OXCT1: variants seen among roughly 807,000 people sequenced by gnomAD.
The protein encoded by OXCT1 is succinyl-CoA:3-ketoacid coenzyme A transferase 1, mitochondrial.
OXCT1 carries 27 observed loss-of-function variants against 69.6 expected under a neutral mutation model. That is an observed-to-expected ratio of 0.39 (90% CI 0.29 to 0.54). The LOEUF (loss-of-function observed/expected upper bound fraction) is 0.54. Among genes scored for constraint, OXCT1 ranks in the 20% least tolerant of loss-of-function variants. The pLI, the probability that OXCT1 is intolerant of heterozygous loss-of-function variation, is 0.72. For synonymous variants in OXCT1, 202 were observed against 217.8 expected (o/e 0.93, Z 0.64); for missense variants, 437 against 650.2 (o/e 0.67, Z 3.57).
intron 14 of OXCT1, among the ~76,000 whole-genome samples, chr5:41,760,450 G>A (rs1056857611): frequency 1.3e-5 from 2 of 152,026 alleles, no homozygotes; most frequent in African/African-American, 4.8e-5. Context: ...GATATTTCTA[G>A]TCTGAAGTTG....
intron 14 of OXCT1, among the ~76,000 whole-genome samples, chr5:41,751,522 C>A (rs1436948944): frequency 6.6e-6 from 1 of 152,100 alleles, no homozygotes; most frequent in Non-Finnish European, 1.5e-5. Flanking sequence ...CCTGGCCATG[C>A]CCCCCACTGT....
In OXCT1 at chr5:41,778,523, A is replaced by T. The variant is rs568275957; in HGVS notation, c.1248+15480T>A. ...TTCATAATGTGAATTTATCAAGATG[A>T]CTCTAGGGTTTAAGGATATATGTCA... On this transcript the variant is annotated intron_variant, in intron 13 of 16. Coordinates refer to ENST00000196371, the MANE Select transcript of OXCT1 (RefSeq NM_000436.4). 2.1e-4 allele frequency among the ~76,000 whole-genome samples: 32 copies of T among 152,294 alleles called. No individual in the cohort carries two copies. The South Asian group carries it at 6.2e-3, about 30-fold the overall frequency.
chr5:41,842,132 T>C (rs1260277183), intron 6 of OXCT1, among the ~76,000 whole-genome samples: 1 of 152,166 alleles, frequency 6.6e-6, no homozygotes, highest in Non-Finnish European at 1.5e-5. Context: ...AACCAAAAGA[T>C]TTTAAAATCT....
At chr5:41,780,092 A>G (rs374934274) in intron 13 of OXCT1, among the ~76,000 whole-genome samples, 16 of 152,290 alleles carry the variant, frequency 1.1e-4, no homozygotes, top group East Asian at 3.9e-4. Context: ...AGAAGATATA[A>G]TAACAGTCTG....
chr5:41,867,073 T>C (rs1213447152), intron 1 of OXCT1, among the ~76,000 whole-genome samples: 2 of 152,246 alleles, frequency 1.3e-5, no homozygotes, highest in Admixed American at 1.3e-4. Flanking sequence ...GTTTCTTTTT[T>C]CTTTTCTTTT....
At chr5:41,864,894 T>C (rs947120258) in intron 1 of OXCT1, among the ~76,000 whole-genome samples, 8 of 152,210 alleles carry the variant, frequency 5.3e-5, no homozygotes, top group Non-Finnish European at 1.0e-4. Flanking sequence ...CAGGCCCTTA[T>C]AGCTGGAAGG....
At position 41,762,315 on chromosome 5, in the gene OXCT1, T is replaced by G; in HGVS notation, c.1249-115A>C. ...TCATTAAAAACTCATTGTCCTTCAT[T>G]GCTTAGTGCTTGAAGTTCTATAACC... On this transcript the variant is annotated intron_variant, in intron 13 of 16. Transcript: ENST00000196371. This position sits in a 1 kb window ranked among gnomAD's most constrained non-coding sequence, Gnocchi z 4.0. 3 of 833,854 alleles carry G rather than the reference T, an allele frequency of 3.6e-6. No homozygotes were observed. The South Asian group carries it at 4.0e-5, about 11-fold the overall frequency. The allele number at this position is 833,854 out of a possible 1,614,324, so 51.7% of individuals were successfully genotyped here.
chr5:41,817,718 G>C (rs1277160948), intron 7 of OXCT1, among the ~76,000 whole-genome samples: 1 of 152,120 alleles, frequency 6.6e-6, no homozygotes, highest in Non-Finnish European at 1.5e-5. Flanking sequence ...GTATAACTAG[G>C]TAACTACCAT....
At position 41,730,275 on chromosome 5, in the gene OXCT1, G is replaced by C. The variant is rs909228359; in HGVS notation, c.*1454C>G. The stretch of plus-strand genomic sequence containing the variant: ...ATGGAACTTGCACATTCTAAGAAGG[G>C]TCATTTTTTCCCCCCAGTACTGGGA... On this transcript the variant is annotated 3_prime_UTR_variant, in exon 17 of 17. Transcript: ENST00000196371. The C allele has an allele frequency of 6.6e-6, 1 of 152,152 alleles. No individual in the cohort carries two copies. Among genetic ancestry groups the C allele is most frequent in the African/African-American group, 2.4e-5 (1 of 41,438 alleles). 9.4% of individuals were successfully genotyped at this position (152,152 alleles called of 1,614,324 possible). A position where few individuals can be genotyped will look rare whatever the true frequency, so the allele number is the denominator to read the frequency against.
rs115873913 is a variant in OXCT1 at position 41,742,309 on chromosome 5, T to A, written c.1420-2818A>T. ...GGTGCAAACAAAAAATTGACAAAAA[T>A]GGAGACTAAAACCTAAAAGTCACAA... On this transcript the variant is annotated intron_variant, in intron 15 of 16. Coordinates refer to ENST00000196371, the MANE Select transcript of OXCT1 (RefSeq NM_000436.4). Among the ~76,000 whole-genome samples, 1,053 of 152,224 alleles carry A rather than the reference T, an allele frequency of 6.9e-3. 10 individuals are homozygous for A. Among genetic ancestry groups the A allele is most frequent in the African/African-American group, 0.024 (1,002 of 41,522 alleles).
intron 14 of OXCT1, among the ~76,000 whole-genome samples, chr5:41,754,577 A>T (rs541023147): frequency 5.0e-4 from 76 of 152,162 alleles, no homozygotes; most frequent in African/African-American, 1.4e-3. Flanking sequence ...TAATTTTTTT[A>T]AAAAAAGAAA....
chr5:41,781,649 G>C (rs973730079), intron 13 of OXCT1, among the ~76,000 whole-genome samples: 1 of 152,076 alleles, frequency 6.6e-6, no homozygotes, highest in Non-Finnish European at 1.5e-5. Flanking sequence ...TGTTCCCCCA[G>C]TGGTGTCCAT....
At chr5:41,853,759 G>A (rs1054434751) in intron 3 of OXCT1, 25 of 675,426 alleles carry the variant, frequency 3.7e-5, no homozygotes, top group Non-Finnish European at 6.3e-5. Flanking sequence ...TAAAAGTCAA[G>A]AAGTTTAAGT....
At chr5:41,867,558 A>G (rs1156587129) in intron 1 of OXCT1, among the ~76,000 whole-genome samples, 1 of 152,230 alleles carries the variant, frequency 6.6e-6, no homozygotes, top group East Asian at 1.9e-4. Context: ...AGAAGAGAAG[A>G]TGGTTCCAGG....
intron 7 of OXCT1, among the ~76,000 whole-genome samples, chr5:41,819,603 CAGG>C (rs1337465925): frequency 6.6e-6 from 1 of 152,080 alleles, no homozygotes. Context: ...CTCCTTACCT[CAGG>C]TGATCTGCCT....
chr5:41,787,634 CAAAAAAA>C (rs765691863), intron 13 of OXCT1, among the ~76,000 whole-genome samples: 4 of 34,736 alleles, frequency 1.2e-4, no homozygotes, highest in East Asian at 3.2e-3. Context: ...AAGCATTAGG[CAAAAAAA>C]AAAAAAAAAA....
chr5:41,748,243 G>C (rs979990811), intron 15 of OXCT1, among the ~76,000 whole-genome samples: 9 of 151,904 alleles, frequency 5.9e-5, no homozygotes, highest in African/African-American at 2.2e-4. Context: ...GGTAGTATTT[G>C]GGGAGGCTGA....
intron 11 of OXCT1, among the ~76,000 whole-genome samples, chr5:41,799,260 C>A (rs1241299477): frequency 2.6e-5 from 4 of 152,072 alleles, no homozygotes; most frequent in Non-Finnish European, 5.9e-5. Flanking sequence ...ATTGAGGAAA[C>A]CACCAATTTA....
chr5:41,752,283 A>T (rs1026231775), intron 14 of OXCT1, among the ~76,000 whole-genome samples: 8 of 152,032 alleles, frequency 5.3e-5, no homozygotes, highest in African/African-American at 1.9e-4. Flanking sequence ...TCCTTACCTG[A>T]TCATTGTAGG....
Sources: allele counts gnomAD v4.1 joint callset (sites outside exome capture counted in the v4.1 genomes callset), GRCh38; gene constraint gnomAD v4.1.1; non-coding constraint Gnocchi (gnomAD v3.1); transcripts MANE v1.5; gene names NCBI Gene and HGNC (gene_info 2026-07-23, HGNC 2026-07-21).